SEMA6A: variants seen among roughly 807,000 people sequenced by gnomAD.
SEMA6A encodes semaphorin 6A.
Under a neutral mutation model 96.8 loss-of-function variants are expected in SEMA6A, and 25 were observed. The observed-to-expected ratio is 0.26, with a 90% confidence interval of 0.19 to 0.36. The LOEUF (loss-of-function observed/expected upper bound fraction) is 0.36, where lower values mean the gene tolerates loss of function less well. SEMA6A is among the 10% of genes least tolerant of loss of function. SEMA6A has a pLI of 1.00. For synonymous variants in SEMA6A, 612 were observed against 518.0 expected (o/e 1.18, Z -2.46); for missense variants, 1,363 against 1,323.1 (o/e 1.03, Z -0.47).
rs1386962276 is a variant in SEMA6A, at chr5:116,447,021, C to T, written c.2685G>A (p.Leu895=). 5 of 1,613,918 alleles carry T rather than the reference C, an allele frequency of 3.1e-6. No homozygotes were observed. In the South Asian group the frequency reaches 5.5e-5, roughly 18 times the overall value. The change falls in exon 19 of 19, where the codon CTG becomes CTA. Residue 895 remains leucine, a synonymous_variant. Transcript: ENST00000343348. ...GCCGCTTGCTTAGACCGGTCTGAGA[C>T]AGGGAGGCTCCCGGGGGACCCAGGG... ...EASLGPPGAS[L]SQTGLSKRLE... is the part of the protein sequence containing the mutation.
intron 1 of SEMA6A, among the ~76,000 whole-genome samples, chr5:116,547,727 T>G (rs1464725553): frequency 8.1e-6 from 1 of 122,732 alleles, no homozygotes; most frequent in Non-Finnish European, 1.6e-5. Context: ...GCTATGTATC[T>G]GATACTTAAA....
intron 18 of SEMA6A, among the ~76,000 whole-genome samples, chr5:116,456,101 A>G (rs1025083235): frequency 1.3e-5 from 2 of 152,206 alleles, no homozygotes; most frequent in African/African-American, 4.8e-5. Flanking sequence ...TGTGTTAGCC[A>G]AAAGTGTAAA....
At position 116,559,004 on chromosome 5, in the gene SEMA6A, T is replaced by C. The variant is rs570181915; in HGVS notation, c.-39+15181A>G. On this transcript the variant is annotated intron_variant, in intron 1 of 18. Transcript: ENST00000343348. ...AACAGGAACTAGGTGGCTCCATATA[T>C]GCCCCGATTTTTACATGAACAGATC... Among the ~76,000 whole-genome samples, 3 of 152,292 alleles carry C rather than the reference T, an allele frequency of 2.0e-5. No individual in the cohort carries two copies. In the South Asian group the frequency reaches 6.2e-4, roughly 32 times the overall value.
chr5:116,573,822 C>T (rs751133988), intron 1 of SEMA6A, among the ~76,000 whole-genome samples: 1 of 152,062 alleles, frequency 6.6e-6, no homozygotes. Context: ...CCATTTAGGG[C>T]CCGCTCTGCT....
chr5:116,492,473 A>G (rs1757376567), intron 6 of SEMA6A: 1 of 152,248 alleles, frequency 6.6e-6, no homozygotes, highest in African/African-American at 2.4e-5. Context: ...CTTAGACTTC[A>G]CAGCAGCAGC....
chr5:116,449,696 T>C (rs1211459919), intron 18 of SEMA6A: 1 of 222,018 alleles, frequency 4.5e-6, no homozygotes, highest in Non-Finnish European at 8.8e-6. Context: ...TGACAAAGGA[T>C]TGTGACTTAA....
chr5:116,573,454 C>T (rs1455531162), intron 1 of SEMA6A, among the ~76,000 whole-genome samples: 1 of 152,174 alleles, frequency 6.6e-6, no homozygotes, highest in Non-Finnish European at 1.5e-5. Context: ...CGGCGGGGGA[C>T]AGGACCCATG....
At chr5:116,511,928 TG>T (rs1441802784) in intron 1 of SEMA6A, among the ~76,000 whole-genome samples, 1 of 152,178 alleles carries the variant, frequency 6.6e-6, no homozygotes, top group Non-Finnish European at 1.5e-5. Flanking sequence ...TAAACAGATG[TG>T]GACATATCTC....
Position 116,488,973 on chromosome 5 carries a change from G to A in SEMA6A, c.570C>T (p.Phe190=), listed in dbSNP as rs915142157. The A allele has an allele frequency of 1.9e-6, 3 of 1,581,876 alleles. No homozygotes were observed. Among genetic ancestry groups the A allele is most frequent in the African/African-American group, 1.3e-5 (1 of 74,540 alleles). ...GKLYSATVTD[F]LAIDAVIYRS... ...GGTAAATGACTGCGTCAATGGCAAG[G>A]AAGTCAGTCACTGTGGCTGAGTATA... The change falls in exon 8 of 19, where the codon TTC becomes TTT. Residue 190 remains phenylalanine, a synonymous_variant. Transcript: ENST00000343348.
At chr5:116,510,688 G>A (rs184751966) in intron 1 of SEMA6A, among the ~76,000 whole-genome samples, 17 of 152,152 alleles carry the variant, frequency 1.1e-4, no homozygotes, top group Middle Eastern at 6.8e-3. Context: ...AGTGAGAGAA[G>A]TCTCCTTCTC....
At chr5:116,544,912 G>A (rs979353040) in intron 1 of SEMA6A, among the ~76,000 whole-genome samples, 2 of 152,118 alleles carry the variant, frequency 1.3e-5, no homozygotes, top group Admixed American at 1.3e-4. Flanking sequence ...TTAACTTCCT[G>A]GTTCTCTTTG....
intron 10 of SEMA6A, 89 bp from the exon 11 acceptor site, chr5:116,482,664 A>G: frequency 7.3e-7 from 1 of 1,361,314 alleles, no homozygotes. Flanking sequence ...TTCCTGGTAC[A>G]GCAAATGAAA....
Position 116,531,388 on chromosome 5 carries a change from T to C in SEMA6A, c.-38-26406A>G, listed in dbSNP as rs565596922. On this transcript the variant is annotated intron_variant, in intron 1 of 18. Coordinates refer to ENST00000343348, the MANE Select transcript of SEMA6A (RefSeq NM_020796.5). ...TGTAGGACCTGTAGTGCAGTGTCTC[T>C]GAGGCACGTGGAGCCCTCTGGATGT... 2.0e-5 allele frequency among the ~76,000 whole-genome samples: 3 copies of C among 152,266 alleles called. No individual in the cohort carries two copies. In the East Asian group the frequency reaches 5.8e-4, roughly 29 times the overall value.
chr5:116,469,446 T>C (rs923260460), intron 17 of SEMA6A: 2 of 127,440 alleles, frequency 1.6e-5, no homozygotes, highest in African/African-American at 5.5e-5. Flanking sequence ...AAAACATAAC[T>C]TTTTTTTTTC....
intron 1 of SEMA6A, among the ~76,000 whole-genome samples, chr5:116,548,402 G>C (rs1431207516): frequency 3.3e-5 from 5 of 152,166 alleles, no homozygotes; most frequent in Admixed American, 3.3e-4. Flanking sequence ...CCAAGGTCCT[G>C]CTTGGGTTCT....
At chr5:116,456,162 A>T (rs539977286) in intron 18 of SEMA6A, among the ~76,000 whole-genome samples, 1 of 152,316 alleles carries the variant, frequency 6.6e-6, no homozygotes. Context: ...CTTAAATAAG[A>T]CAGCCCATCA....
At chr5:116,499,423 C>A (rs254087) in intron 3 of SEMA6A, among the ~76,000 whole-genome samples, 839 of 17,708 alleles carry the variant, frequency 0.047, 10 homozygotes, top group African/African-American at 0.076. Flanking sequence ...GGGGGTTGGC[C>A]GGGGGGTGGG....
intron 1 of SEMA6A, among the ~76,000 whole-genome samples, chr5:116,518,173 G>A (rs998447033): frequency 6.6e-5 from 10 of 151,392 alleles, no homozygotes; most frequent in African/African-American, 2.4e-4. Flanking sequence ...ACAACAGGTA[G>A]GGGTGGTAGA....
rs773489295 is a variant in SEMA6A at position 116,478,578 on chromosome 5, A to T, written c.1391T>A (p.Leu464His). Residue 464 changes from leucine (L) to histidine (H), a missense_variant, in exon 13 of 19, where the codon CTT becomes CAT. This residue lies in a region of SEMA6A where 883 missense variants were observed against 763.6 expected (regional missense o/e 1.16). Transcript: ENST00000343348. ...GTAAACACTCATCTCCTCCAGGAAAAGGCTGTCATTTAGAAAACCACTATT... is the reference window on the plus strand; with the variant it reads ...GTAAACACTCATCTCCTCCAGGAAATGGCTGTCATTTAGAAAACCACTATT... ...IGNSGFLNDS[L>H]FLEEMSVYNS... is the part of the protein sequence containing the mutation. The T allele has an allele frequency of 8.1e-6, 13 of 1,612,704 alleles. No individual in the cohort carries two copies. Among genetic ancestry groups the T allele is most frequent in the Non-Finnish European group, 1.1e-5 (13 of 1,179,466 alleles).
Sources: allele counts gnomAD v4.1 joint callset (sites outside exome capture counted in the v4.1 genomes callset), GRCh38; gene constraint gnomAD v4.1.1; regional missense constraint gnomAD v4.1.1; transcripts MANE v1.5; gene names NCBI Gene and HGNC (gene_info 2026-07-23, HGNC 2026-07-21).